MEI4: variants seen among roughly 807,000 people sequenced by gnomAD.
The protein encoded by MEI4 is meiosis-specific protein MEI4.
In MEI4, 27 loss-of-function variants were observed where a neutral mutation model predicts 31.4. The ratio of observed to expected loss-of-function variants is 0.86; its 90% CI spans 0.63 to 1.19. The LOEUF is 1.19. Among genes scored for constraint, MEI4 ranks in the 50% most tolerant of loss-of-function variants. The pLI, the probability that MEI4 is intolerant of heterozygous loss-of-function variation, is 0.00. For missense variants in MEI4, 329 were observed against 398.9 expected, an observed-to-expected ratio of 0.82 and a Z score of 1.49; for synonymous variants, 122 against 145.4, an observed-to-expected ratio of 0.84 and a Z score of 1.16.
At chr6:77,885,871 C>A (rs918641770) in intron 4 of MEI4, among the ~76,000 whole-genome samples, 1 of 152,026 alleles carries the variant, frequency 6.6e-6, no homozygotes, top group Non-Finnish European at 1.5e-5. Flanking sequence ...GAATTTTTAT[C>A]AGGAGAGGAT....
intron 1 of MEI4, among the ~76,000 whole-genome samples, chr6:77,660,342 T>C (rs1768480754): frequency 6.6e-6 from 1 of 151,992 alleles, no homozygotes; most frequent in South Asian, 2.1e-4. Flanking sequence ...GGTGGAAATA[T>C]TGGAGGGTGC....
At chr6:77,663,307 G>C (rs1768548733) in intron 1 of MEI4, among the ~76,000 whole-genome samples, 1 of 152,148 alleles carries the variant, frequency 6.6e-6, no homozygotes, top group Admixed American at 6.5e-5. Flanking sequence ...TATTGGCATT[G>C]AGTGGGGTAA....
chr6:77,673,541 C>T (rs558581009), intron 1 of MEI4, among the ~76,000 whole-genome samples: 7 of 152,196 alleles, frequency 4.6e-5, no homozygotes, highest in East Asian at 3.9e-4. Context: ...GAGAACATAT[C>T]GACTTATGCA....
In MEI4 at chr6:77,829,269, G is replaced by T. The variant is rs112904704; in HGVS notation, c.900+207G>T. Among the ~76,000 whole-genome samples, 565 of 152,066 alleles carry T rather than the reference G, an allele frequency of 3.7e-3. 5 individuals are homozygous for T. Among genetic ancestry groups the T allele is most frequent in the South Asian group, 0.031 (149 of 4,832 alleles). On this transcript the variant is annotated intron_variant, in intron 4 of 4. Transcript: ENST00000684080. Reference sequence around the variant, plus strand: ...TTTGAAAGTAAAACCACTTTATAATGCTTACTTGCATATATGTGCCAAAGA... The same window carrying T: ...TTTGAAAGTAAAACCACTTTATAATTCTTACTTGCATATATGTGCCAAAGA...
intron 2 of MEI4, among the ~76,000 whole-genome samples, chr6:77,712,241 G>A (rs775322259): frequency 1.3e-5 from 2 of 152,106 alleles, no homozygotes. Context: ...CTAAAATCTT[G>A]TGGCATCATT....
chr6:77,851,762 C>T (rs1001598418), intron 4 of MEI4, among the ~76,000 whole-genome samples: 2 of 151,788 alleles, frequency 1.3e-5, no homozygotes, highest in African/African-American at 4.8e-5. Context: ...TGCACATGTA[C>T]CCTAGAACTT....
In MEI4 at chr6:77,798,643, T is replaced by A. The variant is rs9448217; in HGVS notation, c.769-30288T>A. 9.2e-3 allele frequency among the ~76,000 whole-genome samples: 664 copies of A among 72,068 alleles called. 6 individuals carry two copies. Among genetic ancestry groups the A allele is most frequent in the African/African-American group, 0.036 (629 of 17,688 alleles). The allele number at this position is 72,068 out of a possible 152,430, so 47.3% of individuals were successfully genotyped here. On this transcript the variant is annotated intron_variant, in intron 3 of 4. Transcript: ENST00000684080. ...ATCTCCTAAAGCTATCCCTCCCCCC[T>A]CCCCCCACCCCACAACAGTCCCCAG...
rs563360205 is a variant in MEI4, at chr6:77,734,126, T to G, written c.233-27004T>G. Among the ~76,000 whole-genome samples, 213 of 152,164 alleles carry G rather than the reference T, an allele frequency of 1.4e-3. 3 individuals are homozygous for G. Among genetic ancestry groups the G allele is most frequent in the African/African-American group, 4.5e-3 (187 of 41,418 alleles). On this transcript the variant is annotated intron_variant, in intron 2 of 4. Transcript: ENST00000684080. ...TCTGTTGATTTGGGGTGGAGAGTTCTGTAGATGTCTATTAGGTCCGCTTGG... is the reference window on the plus strand; with the variant it reads ...TCTGTTGATTTGGGGTGGAGAGTTCGGTAGATGTCTATTAGGTCCGCTTGG...
chr6:77,838,568 T>G (rs1252090159), intron 4 of MEI4, among the ~76,000 whole-genome samples: 1 of 152,148 alleles, frequency 6.6e-6, no homozygotes, highest in Non-Finnish European at 1.5e-5. Flanking sequence ...TCTATCATTC[T>G]CACTGATTAA....
At chr6:77,768,989 A>G (rs191138282) in intron 3 of MEI4, among the ~76,000 whole-genome samples, 218 of 152,308 alleles carry the variant, frequency 1.4e-3, no homozygotes, top group Non-Finnish European at 1.8e-3. Context: ...CTCCACAGGA[A>G]GACTAAATTG....
intron 2 of MEI4, among the ~76,000 whole-genome samples, chr6:77,752,952 T>C (rs1000709264): frequency 6.6e-6 from 1 of 152,108 alleles, no homozygotes; most frequent in Non-Finnish European, 1.5e-5. Flanking sequence ...ACGCCACGCA[T>C]CTATAACCAT....
intron 3 of MEI4, among the ~76,000 whole-genome samples, chr6:77,794,822 G>A (rs1769035999): frequency 1.3e-5 from 2 of 152,034 alleles, no homozygotes; most frequent in Admixed American, 1.3e-4. Flanking sequence ...CTTTCTTCAC[G>A]ATAGATTATA....
intron 2 of MEI4, among the ~76,000 whole-genome samples, chr6:77,716,018 C>T (rs538363860): frequency 2.0e-5 from 3 of 152,006 alleles, no homozygotes; most frequent in South Asian, 2.1e-4. Flanking sequence ...TTTTGTAATA[C>T]GTTTTTAAAG....
intron 2 of MEI4, among the ~76,000 whole-genome samples, chr6:77,701,612 T>C (rs1766223399): frequency 6.6e-6 from 1 of 151,642 alleles, no homozygotes; most frequent in Admixed American, 6.6e-5. Flanking sequence ...TACATAGATA[T>C]ATAAATATAA....
In MEI4 at chr6:77,761,480, A is replaced by G; in HGVS notation, c.583A>G (p.Ile195Val). 8.1e-7 allele frequency: 1 copy of G among 1,232,142 alleles called. No individual in the cohort carries two copies. 76.3% of individuals were successfully genotyped at this position (1,232,142 alleles called of 1,614,324 possible). The change falls in exon 3 of 5, where the codon ATC becomes GTC. Residue 195 changes from isoleucine to valine, a missense_variant. Coordinates refer to ENST00000684080, the MANE Select transcript of MEI4 (RefSeq NM_001322247.2). ...DSVFQLLDGLITFYRNPKLPF... is the reference protein window; with the variant it reads ...DSVFQLLDGLVTFYRNPKLPF... ...TGTTTTTCAATTGCTGGATGGCCTG[A>G]TCACTTTTTACCGTAATCCCAAACT...
chr6:77,924,327 C>T lies in MEI4; in HGVS notation c.*981C>T, dbSNP rs1014341435. The T allele has an allele frequency of 3.3e-5, 5 of 151,842 alleles. No individual in the cohort carries two copies. The highest frequency in any genetic ancestry group is 7.4e-5 in the Non-Finnish European group (5 of 67,868). 9.4% of individuals were successfully genotyped at this position (151,842 alleles called of 1,614,324 possible). A position where few individuals can be genotyped will look rare whatever the true frequency, so the allele number is the denominator to read the frequency against. ...GGCATTAAAAGTAATCTTGATAATT[C>T]CATCTACAATGTATATACAATTATG... On this transcript the variant is annotated 3_prime_UTR_variant, in exon 5 of 5. Transcript: ENST00000684080.
intron 2 of MEI4, among the ~76,000 whole-genome samples, chr6:77,749,687 A>T (rs555763889): frequency 6.6e-6 from 1 of 152,302 alleles, no homozygotes; most frequent in African/African-American, 2.4e-5. Context: ...CAAGTTGGAA[A>T]ACAATCTTCA....
At chr6:77,840,436 A>C in intron 4 of MEI4, among the ~76,000 whole-genome samples, 1 of 152,292 alleles carries the variant, frequency 6.6e-6, no homozygotes, top group South Asian at 2.1e-4. Context: ...ACAAAAGTAT[A>C]TTTGAAAATA....
intron 1 of MEI4, among the ~76,000 whole-genome samples, chr6:77,684,961 C>T (rs971102713): frequency 1.6e-4 from 24 of 152,236 alleles, no homozygotes; most frequent in Non-Finnish European, 2.8e-4. Flanking sequence ...AATTTACATT[C>T]CCACCAACAG....
Sources: gnomAD v4.1 joint callset for allele counts (sites outside exome capture counted in the v4.1 genomes callset) on GRCh38, gnomAD v4.1.1 for gene constraint, MANE v1.5 for transcripts, NCBI Gene and HGNC (gene_info 2026-07-23, HGNC 2026-07-21) for gene names.